The following ANAPC10 variants were observed in gnomAD, a reference collection of about 807,000 sequenced individuals.
ANAPC10 encodes the protein anaphase promoting complex subunit 10.
ANAPC10 carries 12 observed loss-of-function variants against 22.0 expected under a neutral mutation model. That is an observed-to-expected ratio of 0.55 (90% confidence interval 0.35 to 0.88). The LOEUF (loss-of-function observed/expected upper bound fraction) is 0.88. Ranked by LOEUF, ANAPC10 falls within the 40% of genes least tolerant of loss-of-function variation. The pLI, the probability that ANAPC10 is intolerant of heterozygous loss-of-function variation, is 0.01. For missense variants in ANAPC10, 188 were observed against 220.9 expected, an observed-to-expected ratio of 0.85 and a Z score of 0.94; for synonymous variants, 65 against 69.5, an observed-to-expected ratio of 0.94 and a Z score of 0.32.
chr4:145,082,251 GC>G (rs1746158379), intron 2 of ANAPC10, among the ~76,000 whole-genome samples: 1 of 152,220 alleles, frequency 6.6e-6, no homozygotes, highest in South Asian at 2.1e-4. Flanking sequence ...CCGGATTCAA[GC>G]GATTCTCCTG....
intron 4 of ANAPC10, among the ~76,000 whole-genome samples, chr4:145,060,109 C>G (rs1426635471): frequency 1.3e-5 from 2 of 152,026 alleles, no homozygotes; most frequent in African/African-American, 2.4e-5. Context: ...TGTGTAGAAG[C>G]AATAAATTGC....
At chr4:145,022,365 C>A (rs369864520) in intron 4 of ANAPC10, among the ~76,000 whole-genome samples, 3 of 152,030 alleles carry the variant, frequency 2.0e-5, no homozygotes, top group Admixed American at 2.0e-4. Context: ...GCATTCGCAG[C>A]GACCTGGATG....
At chr4:145,012,876 G>C (rs552858791) in intron 4 of ANAPC10, among the ~76,000 whole-genome samples, 90 of 152,248 alleles carry the variant, frequency 5.9e-4, no homozygotes, top group Non-Finnish European at 1.1e-3. Context: ...AATGATGGAG[G>C]GGGGCCTGGT....
intron 4 of ANAPC10, among the ~76,000 whole-genome samples, chr4:145,058,372 C>A (rs1224758679): frequency 6.6e-6 from 1 of 152,048 alleles, no homozygotes; most frequent in East Asian, 1.9e-4. Context: ...GAACCATCAA[C>A]CTCTTCAGCT....
At chr4:145,060,149 TG>T (rs776963628) in intron 4 of ANAPC10, among the ~76,000 whole-genome samples, 256 of 152,214 alleles carry the variant, frequency 1.7e-3, no homozygotes, top group Middle Eastern at 3.4e-3. Flanking sequence ...CTTAAATTGT[TG>T]GTTTTCAATT....
At chr4:145,008,038 T>C (rs1389368485) in intron 4 of ANAPC10, among the ~76,000 whole-genome samples, 2 of 152,016 alleles carry the variant, frequency 1.3e-5, no homozygotes, top group Non-Finnish European at 2.9e-5. Flanking sequence ...CAAACTACCA[T>C]CAGAGAACAC....
At chr4:145,032,334 T>C (rs928099795) in intron 4 of ANAPC10, among the ~76,000 whole-genome samples, 5 of 152,220 alleles carry the variant, frequency 3.3e-5, no homozygotes, top group African/African-American at 9.7e-5. Flanking sequence ...TGTACAATTA[T>C]ACACTGATTC....
At chr4:145,092,481 G>T (rs1747822818) in intron 2 of ANAPC10, among the ~76,000 whole-genome samples, 3 of 152,156 alleles carry the variant, frequency 2.0e-5, no homozygotes, top group African/African-American at 7.2e-5. Context: ...GTAGAGCATA[G>T]GAGGAAGGAA....
At chr4:145,096,466 T>C (rs13120407) in intron 1 of ANAPC10, among the ~76,000 whole-genome samples, 57 of 152,292 alleles carry the variant, frequency 3.7e-4, no homozygotes, top group Admixed American at 8.5e-4. Context: ...CAGTGAGCTA[T>C]AGTAGTCAAA....
chr4:145,011,097 C>G (rs182405391), intron 4 of ANAPC10, among the ~76,000 whole-genome samples: 1 of 151,876 alleles, frequency 6.6e-6, no homozygotes, highest in South Asian at 2.1e-4. Context: ...TTTTGGAGGC[C>G]GAGGCAAGTG....
chr4:145,052,672 G>A (rs1268679450), intron 4 of ANAPC10, among the ~76,000 whole-genome samples: 1 of 152,026 alleles, frequency 6.6e-6, no homozygotes, highest in Non-Finnish European at 1.5e-5. Flanking sequence ...GGCTCAGGCG[G>A]GCACAGATCA....
chr4:144,995,436 G>A lies in ANAPC10; in HGVS notation c.495C>T (p.Ser165=), dbSNP rs776029022. 11 of 1,613,592 alleles carry A rather than the reference G, an allele frequency of 6.8e-6. No individual in the cohort carries two copies. Among genetic ancestry groups the A allele is most frequent in the Non-Finnish European group, 9.3e-6 (11 of 1,179,682 alleles). ...QIKIYTPVEE[S]SIGKFPRCTT... ...TACATCTAGGAAATTTACCAATGGAGCTCTCTTCTACTGGTGTGTATATTT... is the reference window on the plus strand; with the variant it reads ...TACATCTAGGAAATTTACCAATGGAACTCTCTTCTACTGGTGTGTATATTT... The change falls in exon 5 of 5, where the codon AGC becomes AGT. Residue 165 remains serine (S), a synonymous_variant. Transcript: ENST00000507656.
chr4:144,998,628 G>C (rs1230406260), intron 4 of ANAPC10, among the ~76,000 whole-genome samples: 1 of 152,090 alleles, frequency 6.6e-6, no homozygotes, highest in East Asian at 1.9e-4. Flanking sequence ...GTGTGTCGAG[G>C]GAAATTTATA....
intron 2 of ANAPC10, 146 bp from the exon 3 acceptor site, chr4:145,081,896 G>T: frequency 1.5e-6 from 1 of 660,300 alleles, no homozygotes; most frequent in South Asian, 1.9e-5. Context: ...ATTTTTTGTA[G>T]ACAGGGTCTT....
At chr4:145,090,869 G>A (rs573233766) in intron 2 of ANAPC10, among the ~76,000 whole-genome samples, 9 of 152,248 alleles carry the variant, frequency 5.9e-5, no homozygotes, top group African/African-American at 2.2e-4. Context: ...AGTAAAGATT[G>A]TGTCTTTTTT....
intron 3 of ANAPC10, among the ~76,000 whole-genome samples, chr4:145,080,310 A>G (rs1745814181): frequency 6.6e-6 from 1 of 152,162 alleles, no homozygotes; most frequent in Non-Finnish European, 1.5e-5. Flanking sequence ...ACTTACCCAT[A>G]TAACAAACCT....
chr4:145,085,580 T>A (rs936204505), intron 2 of ANAPC10, among the ~76,000 whole-genome samples: 1 of 152,120 alleles, frequency 6.6e-6, no homozygotes, highest in African/African-American at 2.4e-5. Flanking sequence ...CAAATCTGAA[T>A]AATTTATTCA....
intron 4 of ANAPC10, among the ~76,000 whole-genome samples, chr4:145,041,407 C>A (rs1739500427): frequency 6.6e-6 from 1 of 152,134 alleles, no homozygotes; most frequent in Non-Finnish European, 1.5e-5. Flanking sequence ...AAATGATAAT[C>A]ATTGATAACT....
intron 4 of ANAPC10, among the ~76,000 whole-genome samples, chr4:145,014,301 C>T (rs1734780730): frequency 6.6e-6 from 1 of 152,088 alleles, no homozygotes; most frequent in East Asian, 1.9e-4. Flanking sequence ...CTGGGTAAGG[C>T]CTGTGATTGC....
Sources: gnomAD v4.1 joint callset for allele counts (sites outside exome capture counted in the v4.1 genomes callset) on GRCh38, gnomAD v4.1.1 for gene constraint, MANE v1.5 for transcripts, NCBI Gene and HGNC (gene_info 2026-07-23, HGNC 2026-07-21) for gene names.